BCL9: variants seen among roughly 807,000 people sequenced by gnomAD.
BCL9 encodes B-cell CLL/lymphoma 9 protein.
A neutral mutation model predicts 88.5 loss-of-function variants in BCL9; 25 were observed. The observed-to-expected ratio is 0.28, with a 90% CI of 0.21 to 0.39. BCL9 has a LOEUF of 0.39. BCL9 is among the 10% of genes least tolerant of loss of function. The pLI is 1.00. For synonymous variants in BCL9, 711 were observed against 673.3 expected, an observed-to-expected ratio of 1.06 and a Z score of -0.87; for missense variants, 1,817 against 1,877.8, an observed-to-expected ratio of 0.97 and a Z score of 0.60.
chr1:147,567,898 C>T (rs973991868), intron 1 of BCL9, among the ~76,000 whole-genome samples: 6 of 152,148 alleles, frequency 3.9e-5, no homozygotes, highest in Admixed American at 6.5e-5. Flanking sequence ...CTATTGCTGG[C>T]GATCTATTTC....
At chr1:147,585,095 A>C (rs1297621624) in intron 1 of BCL9, among the ~76,000 whole-genome samples, 1 of 152,140 alleles carries the variant, frequency 6.6e-6, no homozygotes, top group Non-Finnish European at 1.5e-5. Flanking sequence ...AGGTGTGAAA[A>C]TTGGATTTTA....
Position 147,611,660 on chromosome 1 carries a change from C to T in BCL9, c.-177C>T. The stretch of plus-strand genomic sequence containing the variant: ...GCTGGAGCTGCAAGGGGAAAGGACC[C>T]ACTTCCACAGCAGAGAAAAACAAAG... On this transcript the variant is annotated 5_prime_UTR_variant, in exon 4 of 10. Transcript: ENST00000234739. The T allele has an allele frequency of 1.6e-6, 1 of 609,788 alleles. No homozygotes were observed. The highest frequency in any genetic ancestry group is 2.1e-5 in the South Asian group (1 of 46,524). The allele number at this position is 609,788 out of a possible 1,614,324, so 37.8% of individuals were successfully genotyped here. A position where few individuals can be genotyped will look rare whatever the true frequency, so the allele number is the denominator to read the frequency against.
At chr1:147,558,624 C>A (rs587738313) in intron 1 of BCL9, among the ~76,000 whole-genome samples, 1 of 152,106 alleles carries the variant, frequency 6.6e-6, no homozygotes, top group African/African-American at 2.4e-5. Context: ...GTGAGCCTTA[C>A]GCATCTTACC....
At chr1:147,555,284 C>G (rs1422417635) in intron 1 of BCL9, among the ~76,000 whole-genome samples, 1 of 152,112 alleles carries the variant, frequency 6.6e-6, no homozygotes, top group East Asian at 1.9e-4. Flanking sequence ...ACTGATTTCT[C>G]CCCTGGGAAG....
intron 1 of BCL9, among the ~76,000 whole-genome samples, chr1:147,553,403 G>A (rs1654977815): frequency 6.6e-6 from 1 of 152,130 alleles, no homozygotes. Flanking sequence ...TAGAGCCAGA[G>A]GACTCTTGCA....
chr1:147,585,701 T>G (rs1656570187), intron 1 of BCL9, among the ~76,000 whole-genome samples: 1 of 152,160 alleles, frequency 6.6e-6, no homozygotes, highest in Admixed American at 6.5e-5. Flanking sequence ...TATGGTGAAC[T>G]GGGGGTGGCT....
At chr1:147,587,431 G>T (rs1553199366) in intron 1 of BCL9, among the ~76,000 whole-genome samples, 3 of 152,114 alleles carry the variant, frequency 2.0e-5, no homozygotes, top group Admixed American at 6.5e-5. Flanking sequence ...CACCTCTGCC[G>T]TTGCATTTCT....
Position 147,622,475 on chromosome 1 carries a change from A to T in BCL9, c.3107A>T (p.Asp1036Val), listed in dbSNP as rs143139161. 3 of 1,614,074 alleles carry T rather than the reference A, an allele frequency of 1.9e-6. No individual in the cohort carries two copies. Among genetic ancestry groups the T allele is most frequent in the Non-Finnish European group, 2.5e-6 (3 of 1,180,044 alleles). ...GCTATCAAGACTGTGGCCAGCTCAG[A>T]TGACGACTCCCCTCCAGCTCGTTCT... ...HDAIKTVASS[D>V]DDSPPARSPN... Residue 1036 changes from aspartate (D) to valine (V), a missense_variant, in exon 9 of 10, where the codon GAT (aspartate) becomes GTT (valine). Transcript: ENST00000234739.
In BCL9 at chr1:147,546,154, G is replaced by T. The variant is rs587631982; in HGVS notation, c.-478+4480G>T. ...GATCGAGACCATCCTGGCTAAAACG[G>T]TGAAACCCCGTCTCTACTAAAAATA... On this transcript the variant is annotated intron_variant, in intron 1 of 9. Transcript: ENST00000234739. Among the ~76,000 whole-genome samples the T allele has an allele frequency of 1.5e-3, 224 of 152,140 alleles. 1 individual carries two copies. Among genetic ancestry groups the T allele is most frequent in the African/African-American group, 5.1e-3 (210 of 41,500 alleles).
chr1:147,590,663 T>C (rs587620658), intron 1 of BCL9, among the ~76,000 whole-genome samples: 9 of 152,358 alleles, frequency 5.9e-5, no homozygotes, highest in African/African-American at 2.2e-4. Context: ...ACCCAGCTCC[T>C]TTATTAAGTT....
In BCL9 at chr1:147,624,990, CAAGAT is replaced by C. The variant is rs782046636; in HGVS notation, c.*32_*36del. 3.8e-6 allele frequency: 6 copies of C among 1,581,824 alleles called. No individual in the cohort carries two copies. In the African/African-American group the frequency reaches 5.4e-5, roughly 14 times the overall value. ...TAAGATGGGATGTGCCGATCCTTGT[CAAGAT>C]GAGATTCCAGGTCCTGAGAGCTGCT... On this transcript the variant is annotated 3_prime_UTR_variant, in exon 10 of 10. Coordinates refer to ENST00000234739, the MANE Select transcript of BCL9 (RefSeq NM_004326.4). The surrounding 1 kb of genome is among the most constrained non-coding windows in gnomAD (Gnocchi z 4.4).
chr1:147,578,686 C>G (rs1656216543), intron 1 of BCL9, among the ~76,000 whole-genome samples: 1 of 152,312 alleles, frequency 6.6e-6, no homozygotes, highest in African/African-American at 2.4e-5. Context: ...AAGAAACTTT[C>G]TGGACTAACT....
intron 6 of BCL9, 120 bp from the exon 7 acceptor site, chr1:147,615,683 G>A (rs1394877549): frequency 1.8e-5 from 11 of 611,218 alleles, no homozygotes; most frequent in Non-Finnish European, 3.1e-5. Context: ...AACATTTCTG[G>A]TGGTTCTTTC....
chr1:147,603,096 A>C (rs187316977), intron 1 of BCL9, among the ~76,000 whole-genome samples: 34 of 152,322 alleles, frequency 2.2e-4, no homozygotes, highest in African/African-American at 6.0e-4. Context: ...ATGTAGCCCA[A>C]CTCTTCCAAT....
intron 1 of BCL9, among the ~76,000 whole-genome samples, chr1:147,542,664 T>G (rs1654385922): frequency 6.6e-6 from 1 of 152,188 alleles, no homozygotes; most frequent in Non-Finnish European, 1.5e-5. Context: ...ACCTGTTGGC[T>G]TCTGTCCTTT....
chr1:147,546,386 C>CTT, intron 1 of BCL9, among the ~76,000 whole-genome samples: 1 of 151,938 alleles, frequency 6.6e-6, no homozygotes, highest in South Asian at 2.1e-4. Flanking sequence ...CATCCCCCCC[C>CTT]TTTTTTTAAA....
intron 2 of BCL9, among the ~76,000 whole-genome samples, chr1:147,606,403 C>T (rs587728813): frequency 2.6e-5 from 4 of 152,266 alleles, no homozygotes; most frequent in African/African-American, 7.2e-5. Flanking sequence ...TCTCTTCTCA[C>T]CTTTACAGTC....
rs1553205523 is a variant in BCL9 at position 147,622,253 on chromosome 1, T to C, written c.2903-18T>C. 6.2e-7 allele frequency: 1 copy of C among 1,613,588 alleles called. No individual in the cohort carries two copies. The highest frequency in any genetic ancestry group is 1.7e-5 in the Admixed American group (1 of 59,994). On this transcript the variant is annotated intron_variant, in intron 8 of 9. Coordinates refer to ENST00000234739, the MANE Select transcript of BCL9 (RefSeq NM_004326.4). ...ATCTAATTCCCTGCCCGTTTTGTTTTATTTTGCTTCCTTTTAGGTGGCCCC... is the reference window on the plus strand; with the variant it reads ...ATCTAATTCCCTGCCCGTTTTGTTTCATTTTGCTTCCTTTTAGGTGGCCCC...
intron 1 of BCL9, among the ~76,000 whole-genome samples, chr1:147,577,134 A>AG (rs1172558429): frequency 6.6e-6 from 1 of 152,202 alleles, no homozygotes; most frequent in Non-Finnish European, 1.5e-5. Context: ...CATTTGGACA[A>AG]GCCTACAGAT....
Sources: allele counts gnomAD v4.1 joint callset (sites outside exome capture counted in the v4.1 genomes callset), GRCh38; gene constraint gnomAD v4.1.1; non-coding constraint Gnocchi (gnomAD v3.1); transcripts MANE v1.5; gene names NCBI Gene and HGNC (gene_info 2026-07-23, HGNC 2026-07-21).